The following TSG101 variants were observed in gnomAD, a reference collection of about 807,000 sequenced individuals.
TSG101 encodes the protein tumor susceptibility gene 101 protein.
A neutral mutation model predicts 48.5 loss-of-function variants in TSG101; 19 were observed. The observed-to-expected ratio is 0.39, with a 90% CI of 0.27 to 0.58. The LOEUF (loss-of-function observed/expected upper bound fraction) is 0.58. TSG101 is among the 20% of genes least tolerant of loss of function. TSG101 has a pLI of 0.55. For missense variants in TSG101, 365 were observed against 484.4 expected, an observed-to-expected ratio of 0.75 and a Z score of 2.31; for synonymous variants, 174 against 169.4, an observed-to-expected ratio of 1.03 and a Z score of -0.21.
chr11:18,519,849 C>T (rs1850239766), intron 1 of TSG101, among the ~76,000 whole-genome samples: 1 of 151,852 alleles, frequency 6.6e-6, no homozygotes, highest in East Asian at 1.9e-4. Flanking sequence ...ATAAAGTCCA[C>T]ACATTGCATT....
intron 3 of TSG101, among the ~76,000 whole-genome samples, chr11:18,515,440 T>C (rs1376458263): frequency 1.3e-5 from 2 of 152,182 alleles, no homozygotes; most frequent in Non-Finnish European, 2.9e-5. Context: ...AAATGGTCTC[T>C]CATTAAGCTA....
At chr11:18,487,769 C>A (rs1222027939) in intron 7 of TSG101, among the ~76,000 whole-genome samples, 1 of 152,198 alleles carries the variant, frequency 6.6e-6, no homozygotes, top group Non-Finnish European at 1.5e-5. Context: ...AGTGGTGGCC[C>A]AGCTCATGCT....
Position 18,506,843 on chromosome 11 carries a change from A to G in TSG101, c.548+14T>C. 1 of 1,566,860 alleles carries G rather than the reference A, an allele frequency of 6.4e-7. No individual in the cohort carries two copies. Among genetic ancestry groups the G allele is most frequent in the Non-Finnish European group, 8.7e-7 (1 of 1,152,994 alleles). On this transcript the variant is annotated intron_variant, in intron 6 of 9. Transcript: ENST00000251968. The stretch of plus-strand genomic sequence containing the variant: ...ATTTGTAATACAATTATTCAAAAGA[A>G]CGTTTTTCATTACCTGGGATTGGGA...
chr11:18,514,110 G>A (rs1850130333), intron 4 of TSG101, among the ~76,000 whole-genome samples: 1 of 151,374 alleles, frequency 6.6e-6, no homozygotes, highest in African/African-American at 2.4e-5. Context: ...GAATCAGTAA[G>A]TACCCTGGGG....
At chr11:18,499,234 T>C (rs1849834051) in intron 7 of TSG101, among the ~76,000 whole-genome samples, 3 of 137,736 alleles carry the variant, frequency 2.2e-5, no homozygotes, top group Admixed American at 1.6e-4. Context: ...ATATATGATA[T>C]ATAATTATAT....
At chr11:18,512,852 G>T (rs1222226482) in intron 4 of TSG101, among the ~76,000 whole-genome samples, 11 of 150,192 alleles carry the variant, frequency 7.3e-5, no homozygotes, top group African/African-American at 2.7e-4. Flanking sequence ...CTCAGCCTCC[G>T]GAGTAGCTGG....
At chr11:18,493,535 G>C (rs558595809) in intron 7 of TSG101, among the ~76,000 whole-genome samples, 14 of 152,080 alleles carry the variant, frequency 9.2e-5, no homozygotes, top group African/African-American at 3.4e-4. Flanking sequence ...ATCAGCAAAA[G>C]TAAACTACCT....
At chr11:18,509,425 C>G (rs1762709034) in intron 5 of TSG101, 117 bp downstream of exon 5, 35 of 1,365,708 alleles carry the variant, frequency 2.6e-5, no homozygotes, top group Non-Finnish European at 3.1e-5. Context: ...TCCAAAAAAT[C>G]CACTAGCTTG....
chr11:18,490,797 CACCA>C, intron 7 of TSG101: 1 of 532,112 alleles, frequency 1.9e-6, no homozygotes, highest in Non-Finnish European at 3.8e-6. Flanking sequence ...AAGCAGCGGG[CACCA>C]ACCATGTTCT....
At chr11:18,481,209 C>T (rs1431516387) in intron 9 of TSG101, 13 of 870,018 alleles carry the variant, frequency 1.5e-5, no homozygotes, top group Admixed American at 1.2e-4. Context: ...GAAAGGGCAG[C>T]CTGATACTTT....
At chr11:18,510,128 A>G (rs960480827) in intron 4 of TSG101, among the ~76,000 whole-genome samples, 2 of 152,238 alleles carry the variant, frequency 1.3e-5, no homozygotes, top group Non-Finnish European at 2.9e-5. Context: ...CTGAAATTAC[A>G]GGTAGATTCT....
chr11:18,526,748 T>C (rs779155131), intron 1 of TSG101, 27 bp downstream of exon 1: 8 of 1,598,062 alleles, frequency 5.0e-6, no homozygotes, highest in Non-Finnish European at 6.8e-6. Context: ...GGGCGCGCCC[T>C]GGGAGGCGAG....
chr11:18,505,989 G>T (rs1849965769), intron 6 of TSG101, among the ~76,000 whole-genome samples: 1 of 151,932 alleles, frequency 6.6e-6, no homozygotes, highest in South Asian at 2.1e-4. Flanking sequence ...GGCTAATTTT[G>T]TATTTTTAGT....
At chr11:18,510,144 A>C (rs2133924939) in intron 4 of TSG101, among the ~76,000 whole-genome samples, 1 of 152,262 alleles carries the variant, frequency 6.6e-6, no homozygotes, top group South Asian at 2.1e-4. Flanking sequence ...ATTCTAGCCA[A>C]GTGAGGTGGT....
chr11:18,487,594 A>C (rs1849638313), intron 7 of TSG101, among the ~76,000 whole-genome samples: 1 of 152,218 alleles, frequency 6.6e-6, no homozygotes, highest in African/African-American at 2.4e-5. Context: ...CTCAAATTCC[A>C]GGCTCAAGCT....
intron 8 of TSG101, among the ~76,000 whole-genome samples, chr11:18,482,593 CATT>C (rs1447222448): frequency 1.3e-5 from 2 of 152,210 alleles, no homozygotes; most frequent in Non-Finnish European, 2.9e-5. Context: ...ACTTTATCAT[CATT>C]AAGCAAAGCC....
At chr11:18,498,037 T>C (rs1294903911) in intron 7 of TSG101, among the ~76,000 whole-genome samples, 1 of 150,388 alleles carries the variant, frequency 6.6e-6, no homozygotes, top group Non-Finnish European at 1.5e-5. Flanking sequence ...AGCAAACTTC[T>C]ATATACCAAG....
chr11:18,492,865 T>C (rs1849719447), intron 7 of TSG101, among the ~76,000 whole-genome samples: 1 of 151,414 alleles, frequency 6.6e-6, no homozygotes, highest in Admixed American at 6.6e-5. Context: ...CTCATCAAAG[T>C]TCAAAATTCG....
At chr11:18,518,457 G>A (rs372194451) in intron 2 of TSG101, among the ~76,000 whole-genome samples, 1 of 152,198 alleles carries the variant, frequency 6.6e-6, no homozygotes, top group African/African-American at 2.4e-5. Context: ...TTATTTTCAA[G>A]GAGACAGGGT....
Sources: allele counts gnomAD v4.1 joint callset (sites outside exome capture counted in the v4.1 genomes callset), GRCh38; gene constraint gnomAD v4.1.1; transcripts MANE v1.5; gene names NCBI Gene and HGNC (gene_info 2026-07-23, HGNC 2026-07-21).